Variants in CDH23 observed in about 807,000 individuals in gnomAD.
CDH23 encodes the protein cadherin related 23, also known as cadherin-23.
In CDH23, 189 loss-of-function variants were observed where a neutral mutation model predicts 317.1. That is an observed-to-expected ratio of 0.60 (90% confidence interval 0.53 to 0.67). The LOEUF is 0.67. Among genes scored for constraint, CDH23 ranks in the 30% least tolerant of loss-of-function variants. CDH23 has a pLI of 0.00. For missense variants in CDH23, 4,401 were observed against 4,592.4 expected (o/e 0.96, Z 1.20); for synonymous variants, 1,839 against 1,876.8 (o/e 0.98, Z 0.52).
At chr10:71,684,281 C>G (rs1179809130) in intron 18 of CDH23, among the ~76,000 whole-genome samples, 2 of 152,162 alleles carry the variant, frequency 1.3e-5, no homozygotes, top group Non-Finnish European at 2.9e-5. Context: ...TTGACCACAG[C>G]CCCCAAGCCT....
At chr10:71,812,202 C>T in intron 66 of CDH23, 187 bp downstream of exon 66, 1 of 1,586,334 alleles carries the variant, frequency 6.3e-7, no homozygotes, top group Non-Finnish European at 8.6e-7. Context: ...AGGGGCTCTC[C>T]ACCCCAGTGG....
chr10:71,651,961 C>T (rs908668301), intron 14 of CDH23, among the ~76,000 whole-genome samples: 3 of 152,226 alleles, frequency 2.0e-5, no homozygotes, highest in African/African-American at 4.8e-5. Flanking sequence ...GGCAGCCCCC[C>T]TGGCGCAGGG....
chr10:71,408,653 G>A (rs1848218726), intron 1 of CDH23, among the ~76,000 whole-genome samples: 1 of 152,214 alleles, frequency 6.6e-6, no homozygotes, highest in African/African-American at 2.4e-5. Context: ...CTGCCTGAGG[G>A]CTGTTGGAAA....
intron 11 of CDH23, among the ~76,000 whole-genome samples, chr10:71,620,619 C>T (rs372680191): frequency 1.3e-5 from 2 of 152,346 alleles, no homozygotes; most frequent in South Asian, 4.1e-4. Context: ...GGGCACCCAA[C>T]CCCACCAGGG....
At chr10:71,725,876 T>A (rs1866786519) in intron 30 of CDH23, among the ~76,000 whole-genome samples, 1 of 152,204 alleles carries the variant, frequency 6.6e-6, no homozygotes, top group African/African-American at 2.4e-5. Flanking sequence ...AACCTCATTT[T>A]ACAGATGAGA....
intron 28 of CDH23, chr10:71,716,301 C>T (rs1475309073): frequency 8.6e-6 from 13 of 1,510,504 alleles, no homozygotes; most frequent in Non-Finnish European, 8.9e-6. Flanking sequence ...GGGCTGATGG[C>T]TGGGGAGCTG....
chr10:71,813,898 T>G (rs9415052), intron 69 of CDH23, among the ~76,000 whole-genome samples: 175 of 151,918 alleles, frequency 1.2e-3, no homozygotes, highest in African/African-American at 4.0e-3. Flanking sequence ...AGAGTGAGAC[T>G]TGTCTCAAAA....
chr10:71,506,230 G>T (rs1472691037), intron 3 of CDH23, among the ~76,000 whole-genome samples: 1 of 151,902 alleles, frequency 6.6e-6, no homozygotes, highest in African/African-American at 2.4e-5. Context: ...CAGGGCTGGG[G>T]AAGGGATTCA....
At chr10:71,416,897 A>G (rs183337782) in intron 1 of CDH23, among the ~76,000 whole-genome samples, 67 of 152,146 alleles carry the variant, frequency 4.4e-4, no homozygotes, top group Admixed American at 2.6e-3. Context: ...CATTCATTTC[A>G]TTGCCTTCTG....
chr10:71,630,181 C>T (rs904063344), intron 11 of CDH23, among the ~76,000 whole-genome samples: 5 of 152,138 alleles, frequency 3.3e-5, no homozygotes, highest in Admixed American at 6.5e-5. Flanking sequence ...GCCACTGTGC[C>T]TAGCTAATTT....
In CDH23 at chr10:71,751,118, T is replaced by C; in HGVS notation, c.4845+9197T>C. On this transcript the variant is annotated intron_variant, in intron 38 of 69. Coordinates refer to ENST00000224721, the MANE Select transcript of CDH23 (RefSeq NM_022124.6). The surrounding 1 kb of genome is among the most constrained non-coding windows in gnomAD (Gnocchi z 4.9). ...GGGTTGAGGGGCTGGGCTTCTGGGA[T>C]GTCACAGTATCTGAGCCCAGAGCAG... is the stretch of plus-strand genomic sequence containing the variant. The C allele has an allele frequency of 9.6e-7, 1 of 1,042,312 alleles. No homozygotes were observed. Among genetic ancestry groups the C allele is most frequent in the Non-Finnish European group, 1.4e-6 (1 of 724,092 alleles). 64.6% of individuals were successfully genotyped at this position (1,042,312 alleles called of 1,614,324 possible).
In CDH23 at chr10:71,777,746, C is replaced by G; in HGVS notation, c.4912C>G (p.His1638Asp). 6.2e-7 allele frequency: 1 copy of G among 1,613,820 alleles called. No individual in the cohort carries two copies. Among genetic ancestry groups the G allele is most frequent in the East Asian group, 2.2e-5 (1 of 44,860 alleles). Residue 1638 changes from histidine to aspartate, a missense_variant, in exon 39 of 70, where the codon CAC (histidine) becomes GAC (aspartate). Around this residue, in one of 3 missense-constraint regions of CDH23, gnomAD observed 3,068 missense variants for 3,203.3 expected, o/e 0.96. Transcript: ENST00000224721. ...NDNAPMFQQP[H>D]YEVLLDEGPD... Reference sequence around the variant, plus strand: ...TAACGCGCCCATGTTCCAGCAGCCCCACTATGAGGTGCTGCTGGATGAGGG... The same window carrying G: ...TAACGCGCCCATGTTCCAGCAGCCCGACTATGAGGTGCTGCTGGATGAGGG...
intron 7 of CDH23, 80 bp from the exon 8 acceptor site, chr10:71,570,710 C>CTG (rs146681389): frequency 1.9e-5 from 28 of 1,450,984 alleles, no homozygotes; most frequent in East Asian, 2.5e-5. Context: ...CGGTGCAGGT[C>CTG]TGTGTGTGTG....
Position 71,566,657 on chromosome 10 carries a change from A to G in CDH23, c.430-85A>G, listed in dbSNP as rs576647149. ...GGGTCTGGTTGGCTGAAGGATGTAG[A>G]GAATGGGCTTTGAGGGACTCAGCCC... On this transcript the variant is annotated intron_variant, in intron 6 of 69. Coordinates refer to ENST00000224721, the MANE Select transcript of CDH23 (RefSeq NM_022124.6). 7 of 1,264,934 alleles carry G rather than the reference A, an allele frequency of 5.5e-6. No individual in the cohort carries two copies. In the African/African-American group the frequency reaches 1.0e-4, roughly 19 times the overall value. 78.4% of individuals were successfully genotyped at this position (1,264,934 alleles called of 1,614,324 possible). A position where few individuals can be genotyped will look rare whatever the true frequency, so the allele number is the denominator to read the frequency against.
chr10:71,728,263 G>A (rs933297749), intron 30 of CDH23, among the ~76,000 whole-genome samples: 2 of 152,012 alleles, frequency 1.3e-5, no homozygotes, highest in African/African-American at 2.4e-5. Flanking sequence ...GTTCCAGCCT[G>A]TGAACAGCTG....
chr10:71,503,270 C>T (rs1487970932), intron 3 of CDH23, among the ~76,000 whole-genome samples: 1 of 152,246 alleles, frequency 6.6e-6, no homozygotes, highest in African/African-American at 2.4e-5. Context: ...GCCGGTTCCT[C>T]AGAGACTGGA....
intron 14 of CDH23, among the ~76,000 whole-genome samples, chr10:71,656,991 T>TG (rs1863446134): frequency 6.6e-6 from 1 of 152,154 alleles, no homozygotes; most frequent in Admixed American, 6.5e-5. Flanking sequence ...CAGGGAAGGA[T>TG]GAGTATCCAA....
intron 52 of CDH23, among the ~76,000 whole-genome samples, chr10:71,799,944 T>A (rs1407007139): frequency 6.6e-6 from 1 of 152,226 alleles, no homozygotes; most frequent in Non-Finnish European, 1.5e-5. Flanking sequence ...GGCTTCTTTT[T>A]GAGACAGTCA....
intron 1 of CDH23, among the ~76,000 whole-genome samples, chr10:71,415,279 A>G (rs1194149225): frequency 6.6e-6 from 1 of 152,052 alleles, no homozygotes; most frequent in Non-Finnish European, 1.5e-5. Context: ...AATTACTTGT[A>G]GAGATGAGGT....
Sources: allele counts gnomAD v4.1 joint callset (sites outside exome capture counted in the v4.1 genomes callset), GRCh38; gene constraint gnomAD v4.1.1; regional missense constraint gnomAD v4.1.1; non-coding constraint Gnocchi (gnomAD v3.1); transcripts MANE v1.5; gene names NCBI Gene and HGNC (gene_info 2026-07-23, HGNC 2026-07-21).